The following ZNF215 variants were observed in gnomAD, a reference collection of about 807,000 sequenced individuals.
ZNF215 encodes the protein zinc finger protein 215, also known as BWSCR2-associated zinc finger protein 2.
Under a neutral mutation model 27.2 loss-of-function variants are expected in ZNF215, and 24 were observed. The ratio of observed to expected loss-of-function variants is 0.88; its 90% CI spans 0.64 to 1.24. The LOEUF (loss-of-function observed/expected upper bound fraction) is 1.24. Among genes scored for constraint, ZNF215 ranks in the 50% most tolerant of loss-of-function variants. The pLI, the probability that ZNF215 is intolerant of heterozygous loss-of-function variation, is 0.00. For missense variants in ZNF215, 675 were observed against 605.7 expected (o/e 1.11, Z -1.20); for synonymous variants, 210 against 204.0 (o/e 1.03, Z -0.25).
intron 3 of ZNF215, among the ~76,000 whole-genome samples, chr11:6,936,396 A>G (rs538719949): frequency 1.6e-4 from 24 of 152,198 alleles, no homozygotes; most frequent in African/African-American, 5.5e-4. Context: ...ACTTAGATGA[A>G]ATTCACAAAT....
chr11:6,968,171 T>C (rs1319347258), intron 5 of ZNF215, among the ~76,000 whole-genome samples: 1 of 152,220 alleles, frequency 6.6e-6, no homozygotes, highest in East Asian at 1.9e-4. Context: ...AGTACCATGC[T>C]GTTTTGATTA....
At chr11:6,978,389 T>C (rs2857922) in intron 5 of ZNF215, among the ~76,000 whole-genome samples, 38,312 of 151,866 alleles carry the variant, frequency 0.25, 5,073 homozygotes, top group Non-Finnish European at 0.29. Context: ...GAACAGAGAT[T>C]ACCTCTGGTG....
At chr11:6,993,651 G>C (rs1851143766), downstream of ZNF215, among the ~76,000 whole-genome samples, 1 of 152,056 alleles carries the variant, frequency 6.6e-6, no homozygotes, top group Admixed American at 6.6e-5. Context: ...AGTGTTCTAT[G>C]ATTACATTTT....
downstream of ZNF215, among the ~76,000 whole-genome samples, chr11:6,960,694 A>G (rs1850499037): frequency 2.0e-5 from 3 of 152,224 alleles, no homozygotes; most frequent in East Asian, 3.9e-4. Flanking sequence ...CGATACCCTG[A>G]TTACTTCACT....
In ZNF215 at chr11:6,937,663, C is replaced by A. The variant is rs569911223; in HGVS notation, c.401-3908C>A. ...CTGCAATAATCAAAGCTATGTCGTA[C>A]TGGAATAGAATTAAGAGTCCAGAAA... On this transcript the variant is annotated intron_variant, in intron 3 of 6. Transcript: ENST00000278319. Among the ~76,000 whole-genome samples, 8 of 151,982 alleles carry A rather than the reference C, an allele frequency of 5.3e-5. No individual in the cohort carries two copies. The South Asian group carries it at 1.7e-3, about 32-fold the overall frequency.
At chr11:6,933,770 G>A (rs1240141943) in intron 3 of ZNF215, among the ~76,000 whole-genome samples, 1 of 144,772 alleles carries the variant, frequency 6.9e-6, no homozygotes, top group Admixed American at 7.0e-5. Context: ...ACTCCAGCCT[G>A]GGCCACAGTG....
intron 5 of ZNF215, among the ~76,000 whole-genome samples, chr11:6,969,157 C>G (rs1850676642): frequency 1.3e-5 from 2 of 152,074 alleles, no homozygotes; most frequent in African/African-American, 4.8e-5. Flanking sequence ...TATTCCATGT[C>G]CTTATGCTTT....
rs1180688665 is a variant in ZNF215 at position 6,949,501 on chromosome 11, G to C, written c.712+5860G>C. Among the ~76,000 whole-genome samples the C allele has an allele frequency of 6.6e-5, 10 of 152,298 alleles. No individual in the cohort carries two copies. In the South Asian group the frequency reaches 2.1e-3, roughly 32 times the overall value. On this transcript the variant is annotated intron_variant, in intron 6 of 6. Transcript: ENST00000278319. ...GAGTTGCATTTCTCTGATGGCCAGT[G>C]ATGGTGAGCATTTTTTCATGTGTTT...
intron 2 of ZNF215, 128 bp from the exon 3 acceptor site, chr11:6,931,966 A>C (rs1055554326): frequency 4.4e-6 from 1 of 229,220 alleles, no homozygotes; most frequent in East Asian, 8.9e-5. Flanking sequence ...TCTAGTTCTA[A>C]GAAAGGAAAA....
At chr11:6,966,974 C>G (rs561353692) in intron 5 of ZNF215, among the ~76,000 whole-genome samples, 14 of 152,030 alleles carry the variant, frequency 9.2e-5, no homozygotes, top group African/African-American at 3.4e-4. Flanking sequence ...CCCTACCCAC[C>G]GACAGGCCCT....
intron 5 of ZNF215, among the ~76,000 whole-genome samples, chr11:6,976,714 C>A (rs1043163087): frequency 6.6e-6 from 1 of 152,090 alleles, no homozygotes; most frequent in Non-Finnish European, 1.5e-5. Flanking sequence ...AGTCACCACT[C>A]TTCCCCATGC....
chr11:6,993,481 C>CT (rs562264459), downstream of ZNF215, among the ~76,000 whole-genome samples: 149 of 152,154 alleles, frequency 9.8e-4, no homozygotes, highest in African/African-American at 3.5e-3. Context: ...CTTCCTTCTG[C>CT]TTTTTTTCTA....
chr11:6,957,058 AC>A lies in ZNF215; in HGVS notation c.*530del, dbSNP rs1393033697. On this transcript the variant is annotated 3_prime_UTR_variant, in exon 7 of 7. Coordinates refer to ENST00000278319, the MANE Select transcript of ZNF215 (RefSeq NM_013250.4). ...AGCCATTTACTCCACTCCTGACAAT[AC>A]CCTTTGTTGTCTTGCTGTTGAATGG... 1 of 985,922 alleles carries A rather than the reference AC, an allele frequency of 1.0e-6. No homozygotes were observed. The highest frequency in any genetic ancestry group is 1.1e-4 in the East Asian group (1 of 8,822). 61.1% of individuals were successfully genotyped at this position (985,922 alleles called of 1,614,324 possible). A position where few individuals can be genotyped will look rare whatever the true frequency, so the allele number is the denominator to read the frequency against.
intron 5 of ZNF215, among the ~76,000 whole-genome samples, chr11:6,966,589 C>A (rs1246871010): frequency 6.6e-6 from 1 of 152,038 alleles, no homozygotes; most frequent in African/African-American, 2.4e-5. Context: ...CCTTGTTTTC[C>A]TTTTAATATC....
chr11:6,953,314 A>G (rs973618261), intron 6 of ZNF215, among the ~76,000 whole-genome samples: 2 of 152,182 alleles, frequency 1.3e-5, no homozygotes, highest in Admixed American at 6.5e-5. Context: ...CTCCTGGAAA[A>G]TGTCTTGCAG....
chr11:6,950,822 G>T (rs965964412), intron 6 of ZNF215, among the ~76,000 whole-genome samples: 5 of 147,626 alleles, frequency 3.4e-5, no homozygotes, highest in African/African-American at 1.3e-4. Context: ...ATTTTCAAAG[G>T]CAATGCTTCC....
At chr11:6,931,011 G>T (rs1405044219) in intron 2 of ZNF215, among the ~76,000 whole-genome samples, 1 of 152,148 alleles carries the variant, frequency 6.6e-6, no homozygotes, top group African/African-American at 2.4e-5. Flanking sequence ...CCCTGGCTTT[G>T]ACTTCCTAGA....
intron 5 of ZNF215, among the ~76,000 whole-genome samples, chr11:6,973,776 G>T (rs1372236571): frequency 6.6e-6 from 1 of 152,152 alleles, no homozygotes; most frequent in African/African-American, 2.4e-5. Flanking sequence ...TGAGTTCTTT[G>T]TGGATTCTGG....
intron 5 of ZNF215, among the ~76,000 whole-genome samples, chr11:6,968,216 C>A (rs1850660183): frequency 6.6e-6 from 1 of 152,080 alleles, no homozygotes; most frequent in Non-Finnish European, 1.5e-5. Flanking sequence ...AGTCAGGTAG[C>A]CTGATGCCTC....
Sources: gnomAD v4.1 joint callset for allele counts (sites outside exome capture counted in the v4.1 genomes callset) on GRCh38, gnomAD v4.1.1 for gene constraint, MANE v1.5 for transcripts, NCBI Gene and HGNC (gene_info 2026-07-23, HGNC 2026-07-21) for gene names.